The following PRKG1 variants were observed in gnomAD, a reference collection of about 807,000 sequenced individuals.
PRKG1 encodes cGMP-dependent protein kinase 1.
In PRKG1, 35 loss-of-function variants were observed where a neutral mutation model predicts 88.1. The observed-to-expected ratio is 0.40, with a 90% CI of 0.30 to 0.53. PRKG1 has a LOEUF of 0.53. PRKG1 is among the 20% of genes least tolerant of loss of function. PRKG1 has a pLI of 0.59. For synonymous variants in PRKG1, 303 were observed against 292.5 expected (o/e 1.04, Z -0.37); for missense variants, 540 against 839.8 (o/e 0.64, Z 4.41).
chr10:51,204,844 T>G (rs548877123), intron 2 of PRKG1, among the ~76,000 whole-genome samples: 4 of 152,256 alleles, frequency 2.6e-5, no homozygotes, highest in Admixed American at 2.0e-4. Flanking sequence ...ATAGATCATT[T>G]TGGGGCCTGA....
intron 2 of PRKG1, among the ~76,000 whole-genome samples, chr10:51,400,885 T>G (rs912511901): frequency 6.6e-6 from 1 of 152,194 alleles, no homozygotes; most frequent in African/African-American, 2.4e-5. Context: ...ATAGTTCAAG[T>G]GTGTGAGTCA....
intron 5 of PRKG1, among the ~76,000 whole-genome samples, chr10:51,945,130 T>C (rs1237938767): frequency 6.6e-6 from 1 of 150,488 alleles, no homozygotes; most frequent in Non-Finnish European, 1.5e-5. Flanking sequence ...TTTATGACTC[T>C]GGGTGCTCCT....
intron 1 of PRKG1, among the ~76,000 whole-genome samples, chr10:51,031,799 G>T (rs904461282): frequency 2.6e-5 from 4 of 152,034 alleles, no homozygotes; most frequent in African/African-American, 9.7e-5. Flanking sequence ...ACATATCACA[G>T]TTTATTATAT....
intron 2 of PRKG1, among the ~76,000 whole-genome samples, chr10:51,204,973 C>T (rs951794674): frequency 6.6e-6 from 1 of 151,972 alleles, no homozygotes; most frequent in Non-Finnish European, 1.5e-5. Context: ...TGTACTTTCC[C>T]ATGCTGTTGG....
At chr10:51,774,805 A>C (rs1838392829) in intron 3 of PRKG1, among the ~76,000 whole-genome samples, 1 of 152,152 alleles carries the variant, frequency 6.6e-6, no homozygotes, top group Non-Finnish European at 1.5e-5. Context: ...GTAATACATA[A>C]GACAGAGATG....
chr10:51,307,784 A>G (rs1056826970), intron 2 of PRKG1, among the ~76,000 whole-genome samples: 2 of 152,154 alleles, frequency 1.3e-5, no homozygotes, highest in African/African-American at 2.4e-5. Flanking sequence ...GTTTTATGCT[A>G]TACTTTTGAG....
intron 2 of PRKG1, among the ~76,000 whole-genome samples, chr10:51,275,297 A>C (rs553883093): frequency 6.6e-6 from 1 of 152,344 alleles, no homozygotes; most frequent in South Asian, 2.1e-4. Flanking sequence ...TTCAAGATAA[A>C]AGCCAGAATG....
At chr10:51,992,579 GC>G (rs1349591767) in intron 5 of PRKG1, among the ~76,000 whole-genome samples, 5 of 151,802 alleles carry the variant, frequency 3.3e-5, no homozygotes, top group African/African-American at 1.2e-4. Flanking sequence ...TCCACCTTCT[GC>G]CACTTCCCCA....
chr10:52,176,200 G>A (rs1392843619), intron 9 of PRKG1, among the ~76,000 whole-genome samples: 46 of 134,140 alleles, frequency 3.4e-4, no homozygotes, highest in African/African-American at 1.2e-3. Flanking sequence ...TTTTTGTAGG[G>A]TGAGAGGTGG....
chr10:51,743,205 C>T (rs184596518), intron 3 of PRKG1, among the ~76,000 whole-genome samples: 3 of 152,184 alleles, frequency 2.0e-5, no homozygotes, highest in Non-Finnish European at 4.4e-5. Flanking sequence ...TAAGGACAGA[C>T]GCGGTAACAG....
intron 3 of PRKG1, among the ~76,000 whole-genome samples, chr10:51,627,995 TCTC>T (rs1564579797): frequency 4.5e-5 from 2 of 44,130 alleles, no homozygotes; most frequent in African/African-American, 6.4e-5. Flanking sequence ...TTTCTTTCTC[TCTC>T]TCTCTCTCTC....
intron 3 of PRKG1, among the ~76,000 whole-genome samples, chr10:51,798,027 A>G (rs1839062997): frequency 6.6e-6 from 1 of 151,992 alleles, no homozygotes; most frequent in Non-Finnish European, 1.5e-5. Context: ...TATACACCAC[A>G]TTTTGTTTAC....
At chr10:51,324,221 A>G (rs1841525235) in intron 2 of PRKG1, among the ~76,000 whole-genome samples, 1 of 152,052 alleles carries the variant, frequency 6.6e-6, no homozygotes, top group South Asian at 2.1e-4. Context: ...TTATTTTTGT[A>G]CCCATTAACC....
intron 5 of PRKG1, among the ~76,000 whole-genome samples, chr10:51,957,150 CCT>C (rs72144810): frequency 0.33 from 26,620 of 81,870 alleles, 3,558 homozygotes; most frequent in Non-Finnish European, 0.38. Flanking sequence ...TTTCTTCTTT[CCT>C]CTTTCTTTCT....
chr10:52,078,394 C>G (rs2133299289), intron 7 of PRKG1, among the ~76,000 whole-genome samples: 1 of 152,108 alleles, frequency 6.6e-6, no homozygotes, highest in East Asian at 1.9e-4. Flanking sequence ...TAGACCTACC[C>G]AAGAATAGTA....
chr10:51,159,613 G>A (rs940826404), intron 2 of PRKG1, among the ~76,000 whole-genome samples: 4 of 152,142 alleles, frequency 2.6e-5, no homozygotes, highest in Admixed American at 2.0e-4. Context: ...AGTTATTGAG[G>A]CAATGGCAAA....
chr10:51,423,109 C>A (rs1213826888), intron 2 of PRKG1, among the ~76,000 whole-genome samples: 1 of 152,094 alleles, frequency 6.6e-6, no homozygotes, highest in Non-Finnish European at 1.5e-5. Context: ...CATTCACACC[C>A]TGTTCAAGCA....
chr10:52,202,385 G>C (rs116449330), intron 9 of PRKG1, among the ~76,000 whole-genome samples: 12 of 152,104 alleles, frequency 7.9e-5, no homozygotes, highest in Admixed American at 6.6e-5. Context: ...TTGCATCCCC[G>C]TGATAAAGCC....
At chr10:51,939,758 T>G (rs1276374370) in intron 5 of PRKG1, among the ~76,000 whole-genome samples, 1 of 150,846 alleles carries the variant, frequency 6.6e-6, no homozygotes, top group East Asian at 1.9e-4. Flanking sequence ...ATAATACATA[T>G]ATATTTGGTA....
Sources: allele counts gnomAD v4.1 joint callset (sites outside exome capture counted in the v4.1 genomes callset), GRCh38; gene constraint gnomAD v4.1.1; transcripts MANE v1.5; gene names NCBI Gene and HGNC (gene_info 2026-07-23, HGNC 2026-07-21).